The following GBF1 variants were observed in gnomAD, a reference collection of about 807,000 sequenced individuals.
GBF1 encodes the protein golgi brefeldin A resistant guanine nucleotide exchange factor 1.
Under a neutral mutation model 210.5 loss-of-function variants are expected in GBF1, and 114 were observed. That is an observed-to-expected ratio of 0.54 (90% CI 0.47 to 0.63). The LOEUF (loss-of-function observed/expected upper bound fraction) is 0.63, where lower values mean the gene tolerates loss of function less well. Among genes scored for constraint, GBF1 ranks in the 30% least tolerant of loss-of-function variants. GBF1 has a pLI of 0.00. For synonymous variants in GBF1, 850 were observed against 889.2 expected (o/e 0.96, Z 0.78); for missense variants, 1,851 against 2,357.7 (o/e 0.79, Z 4.45).
At chr10:102,304,869 G>C (rs1285912532) in intron 3 of GBF1, among the ~76,000 whole-genome samples, 1 of 151,724 alleles carries the variant, frequency 6.6e-6, no homozygotes, top group African/African-American at 2.4e-5. Flanking sequence ...TATACAAGCC[G>C]GGTGTGGTGG....
intron 3 of GBF1, among the ~76,000 whole-genome samples, chr10:102,291,744 G>A (rs2076456206): frequency 1.3e-5 from 2 of 152,218 alleles, no homozygotes; most frequent in South Asian, 4.1e-4. Flanking sequence ...ACCATGCCTT[G>A]GACAGATGGA....
At chr10:102,324,108 G>C (rs1323652842) in intron 3 of GBF1, among the ~76,000 whole-genome samples, 2 of 151,988 alleles carry the variant, frequency 1.3e-5, no homozygotes, top group African/African-American at 4.8e-5. Context: ...CCCTGGATTT[G>C]CTAACCTCTG....
intron 3 of GBF1, among the ~76,000 whole-genome samples, chr10:102,331,839 C>G (rs933036417): frequency 4.0e-5 from 6 of 148,340 alleles, no homozygotes; most frequent in Non-Finnish European, 7.4e-5. Flanking sequence ...CGCACGCCAC[C>G]ATACCTGGCT....
intron 3 of GBF1, among the ~76,000 whole-genome samples, chr10:102,276,937 T>C (rs966135507): frequency 1.3e-5 from 2 of 152,030 alleles, no homozygotes; most frequent in Non-Finnish European, 2.9e-5. Flanking sequence ...GCAAGAATAA[T>C]AGGTCTCCCA....
At chr10:102,362,790 T>C in intron 15 of GBF1, 126 bp downstream of exon 15, 1 of 698,448 alleles carries the variant, frequency 1.4e-6, no homozygotes, top group Non-Finnish European at 2.4e-6. Flanking sequence ...TTCTGGGCTT[T>C]GGCAGTTTAA....
chr10:102,316,849 C>G (rs963989657), intron 3 of GBF1, among the ~76,000 whole-genome samples: 5 of 152,132 alleles, frequency 3.3e-5, no homozygotes, highest in African/African-American at 1.2e-4. Context: ...ACAGAAGGTA[C>G]AAAATAATAT....
chr10:102,268,587 G>GT (rs1033384363), intron 3 of GBF1, among the ~76,000 whole-genome samples: 27 of 150,276 alleles, frequency 1.8e-4, no homozygotes, highest in East Asian at 5.9e-4. Flanking sequence ...GCCAGCTGCT[G>GT]TTTTTTTTTC....
At position 102,370,796 on chromosome 10, in the gene GBF1, G is replaced by A. The variant is rs375763119; in HGVS notation, c.3596G>A (p.Arg1199Gln). Residue 1199 changes from arginine (R) to glutamine (Q), a missense_variant, in exon 29 of 40, where the codon CGG becomes CAG. By Grantham distance (43) the Arg-to-Gln change is conservative (BLOSUM62 1). Around this residue, in one of 3 missense-constraint regions of GBF1, gnomAD observed 967 missense variants for 1,247.7 expected, o/e 0.78. Coordinates refer to ENST00000369983, the MANE Select transcript of GBF1 (RefSeq NM_001377137.1). The stretch of plus-strand genomic sequence containing the variant: ...CAAGATTTCTGCTTCCTTGTGGAGC[G>A]GGCAGTGGTGGGGTTGCTACGCCTG... Reference protein sequence around the residue: ...QAQDFCFLVERAVVGLLRLAI... With the variant: ...QAQDFCFLVEQAVVGLLRLAI... 2.2e-5 allele frequency: 35 copies of A among 1,613,926 alleles called. No individual in the cohort carries two copies. The highest frequency in any genetic ancestry group is 5.0e-5 in the Admixed American group (3 of 60,004).
intron 1 of GBF1, 134 bp from the exon 2 acceptor site, chr10:102,258,781 AAAAAAAAAAAAAAG>A: frequency 3.1e-6 from 1 of 321,672 alleles, no homozygotes; most frequent in Non-Finnish European, 5.4e-6. Flanking sequence ...CCTCAAAAAA[AAAAAAAAAAAAAAG>A]AAAGAAAGAA....
chr10:102,339,164 A>T (rs1709437430), intron 3 of GBF1, among the ~76,000 whole-genome samples: 1 of 152,208 alleles, frequency 6.6e-6, no homozygotes, highest in South Asian at 2.1e-4. Flanking sequence ...GGAGTTCAAG[A>T]CCAGCCTGGC....
At chr10:102,331,052 C>T (rs549238957) in intron 3 of GBF1, among the ~76,000 whole-genome samples, 2 of 152,150 alleles carry the variant, frequency 1.3e-5, no homozygotes, top group South Asian at 2.1e-4. Flanking sequence ...CAGAGATTTA[C>T]GGAAAGCAGC....
rs1408410898 is a variant in GBF1, at chr10:102,352,480, G to A, written c.546G>A (p.Glu182=). 2 of 1,611,866 alleles carry A rather than the reference G, an allele frequency of 1.2e-6. No homozygotes were observed. Among genetic ancestry groups the A allele is most frequent in the African/African-American group, 2.7e-5 (2 of 75,024 alleles). Residue 182 remains glutamate (E), a synonymous_variant, in exon 7 of 40, where the codon GAG becomes GAA. Coordinates refer to ENST00000369983, the MANE Select transcript of GBF1 (RefSeq NM_001377137.1). ...RLSELLRKSA[E]HTLVDMVQLL... is the part of the protein sequence containing the mutation. ...CAGAGTTATTGAGAAAATCCGCAGA[G>A]CACACTCTCGTAGACATGGTGCAGC...
In GBF1 at chr10:102,366,044, C is replaced by T. The variant is rs1466954348; in HGVS notation, c.2310-339C>T. Among the ~76,000 whole-genome samples the T allele has an allele frequency of 1.3e-5, 2 of 152,062 alleles. No homozygotes were observed. The highest frequency in any genetic ancestry group is 1.3e-4 in the Admixed American group (2 of 15,268). ...GGTCTCTATAAATTTCTTCTGGAGA[C>T]CCTAGCCAATGTTCTTCCTCTACCC... On this transcript the variant is annotated intron_variant, in intron 18 of 39. Coordinates refer to ENST00000369983, the MANE Select transcript of GBF1 (RefSeq NM_001377137.1). The surrounding 1 kb of genome is among the most constrained non-coding windows in gnomAD (Gnocchi z 4.0).
intron 8 of GBF1, 129 bp from the exon 9 acceptor site, chr10:102,357,908 TAG>T: frequency 1.4e-6 from 1 of 696,576 alleles, no homozygotes; most frequent in East Asian, 2.5e-5. Context: ...ACTGATGGTC[TAG>T]AGTCTTACTT....
At chr10:102,303,180 G>A (rs1301068436) in intron 3 of GBF1, among the ~76,000 whole-genome samples, 1 of 151,964 alleles carries the variant, frequency 6.6e-6, no homozygotes, top group Non-Finnish European at 1.5e-5. Flanking sequence ...TAGAGATGGG[G>A]TTTCACCATG....
chr10:102,322,931 T>G (rs12772375), intron 3 of GBF1, among the ~76,000 whole-genome samples: 73,299 of 151,598 alleles, frequency 0.48, 19,160 homozygotes, highest in Non-Finnish European at 0.59. Flanking sequence ...ATAATAATAA[T>G]AAGAAGAAGA....
chr10:102,375,227 G>C, intron 29 of GBF1, 132 bp from the exon 30 acceptor site: 1 of 611,700 alleles, frequency 1.6e-6, no homozygotes, highest in Non-Finnish European at 2.9e-6. Context: ...GACCAGAGCA[G>C]TATCCTAAAT....
At chr10:102,285,551 T>A (rs2075862825) in intron 3 of GBF1, among the ~76,000 whole-genome samples, 1 of 152,234 alleles carries the variant, frequency 6.6e-6, no homozygotes, top group Admixed American at 6.5e-5. Context: ...TACATCAAAC[T>A]GTTGAGTTCC....
At position 102,268,056 on chromosome 10, in the gene GBF1, T is replaced by C. The variant is rs2074040793; in HGVS notation, c.163+7940T>C. Among the ~76,000 whole-genome samples the C allele has an allele frequency of 3.3e-5, 5 of 152,328 alleles. No individual in the cohort carries two copies. The South Asian group carries it at 1.0e-3, about 32-fold the overall frequency. ...AAAGGGTAGCTCCAAGAGGCCTATA[T>C]TTTGATGACTTGATTTTGCCATTTC... On this transcript the variant is annotated intron_variant, in intron 3 of 39. Transcript: ENST00000369983.
Sources: gnomAD v4.1 joint callset for allele counts (sites outside exome capture counted in the v4.1 genomes callset) on GRCh38, gnomAD v4.1.1 for gene constraint, gnomAD v4.1.1 regional missense constraint, Gnocchi (gnomAD v3.1) non-coding constraint, MANE v1.5 for transcripts, NCBI Gene and HGNC (gene_info 2026-07-23, HGNC 2026-07-21) for gene names.